The following DGAT2 variants were observed in gnomAD, a reference collection of about 807,000 sequenced individuals.
The protein encoded by DGAT2 is acyl-CoA retinol O-fatty-acyltransferase.
A neutral mutation model predicts 48.4 loss-of-function variants in DGAT2; 33 were observed. That is an observed-to-expected ratio of 0.68 (90% CI 0.52 to 0.91). The LOEUF is 0.91. Ranked by LOEUF, DGAT2 falls within the 40% of genes least tolerant of loss-of-function variation. The pLI is 0.00. For missense variants in DGAT2, 446 were observed against 493.7 expected, an observed-to-expected ratio of 0.90 and a Z score of 0.92; for synonymous variants, 191 against 194.1, an observed-to-expected ratio of 0.98 and a Z score of 0.13.
intron 2 of DGAT2, 46 bp from the exon 3 acceptor site, chr11:75,790,142 G>A (rs770988148): frequency 2.9e-6 from 4 of 1,386,110 alleles, no homozygotes; most frequent in Non-Finnish European, 3.1e-6. Flanking sequence ...GCCCAGAGGG[G>A]AGATGAAGCC....
At chr11:75,798,188 G>T (rs779628799) in intron 6 of DGAT2, 39 bp from the exon 7 acceptor site, 15 of 1,605,452 alleles carry the variant, frequency 9.3e-6, no homozygotes, top group Non-Finnish European at 1.3e-5. Flanking sequence ...ACTGAAGCCA[G>T]TAAGTAGGGT....
chr11:75,773,519 G>C (rs1158295971), intron 1 of DGAT2, among the ~76,000 whole-genome samples: 2 of 152,204 alleles, frequency 1.3e-5, no homozygotes, highest in Non-Finnish European at 1.5e-5. Flanking sequence ...TGGAGGGTTT[G>C]AGTTAACCTG....
intron 2 of DGAT2, among the ~76,000 whole-genome samples, chr11:75,789,434 GCCA>G (rs1371620689): frequency 3.3e-5 from 5 of 152,184 alleles, no homozygotes; most frequent in Admixed American, 6.5e-5. Context: ...ACGGGTGTGA[GCCA>G]CTGTGCCTGG....
At chr11:75,772,424 T>A (rs185572389) in intron 1 of DGAT2, among the ~76,000 whole-genome samples, 1 of 152,284 alleles carries the variant, frequency 6.6e-6, no homozygotes, top group African/African-American at 2.4e-5. Flanking sequence ...CATGGTGGTC[T>A]TCCTGTTCCT....
At chr11:75,769,151 G>T in intron 1 of DGAT2, 39 bp downstream of exon 1, 1 of 1,518,868 alleles carries the variant, frequency 6.6e-7, no homozygotes, top group Non-Finnish European at 8.8e-7. Context: ...CCTGCGAGAA[G>T]ATTTTCTGGA....
At chr11:75,778,842 A>T (rs1353319173) in intron 1 of DGAT2, among the ~76,000 whole-genome samples, 7 of 151,886 alleles carry the variant, frequency 4.6e-5, no homozygotes, top group Non-Finnish European at 1.5e-5. Context: ...TCAAAAAAAA[A>T]AAAAAAAAAA....
At chr11:75,775,127 C>A (rs1006364637) in intron 1 of DGAT2, among the ~76,000 whole-genome samples, 5 of 152,210 alleles carry the variant, frequency 3.3e-5, no homozygotes, top group African/African-American at 1.2e-4. Flanking sequence ...GATAAAAATT[C>A]ATTTGTGGAT....
chr11:75,772,071 G>A (rs1302755320), intron 1 of DGAT2, among the ~76,000 whole-genome samples: 1 of 152,190 alleles, frequency 6.6e-6, no homozygotes, highest in African/African-American at 2.4e-5. Context: ...TAAGCCAAGA[G>A]AAGGGTTGCA....
intron 1 of DGAT2, 42 bp downstream of exon 1, chr11:75,769,154 T>G: frequency 6.6e-7 from 1 of 1,517,114 alleles, no homozygotes; most frequent in Non-Finnish European, 8.8e-7. Flanking sequence ...GCGAGAAGAT[T>G]TTCTGGAAAG....
At chr11:75,778,719 A>G (rs1302958326) in intron 1 of DGAT2, among the ~76,000 whole-genome samples, 2 of 150,772 alleles carry the variant, frequency 1.3e-5, no homozygotes, top group African/African-American at 4.9e-5. Flanking sequence ...CTGTAGTCCC[A>G]GCTACTCGGG....
intron 2 of DGAT2, among the ~76,000 whole-genome samples, chr11:75,786,674 A>G (rs937432027): frequency 8.5e-5 from 13 of 152,250 alleles, no homozygotes; most frequent in Non-Finnish European, 1.6e-4. Flanking sequence ...GGACAGGCAG[A>G]TCTCCTGAGC....
At chr11:75,777,574 T>A (rs1295771777) in intron 1 of DGAT2, among the ~76,000 whole-genome samples, 1 of 152,170 alleles carries the variant, frequency 6.6e-6, no homozygotes, top group African/African-American at 2.4e-5. Context: ...ACTGTATAGA[T>A]GAGGAAGCTG....
intron 5 of DGAT2, chr11:75,796,747 G>A (rs190530810): frequency 1.7e-6 from 1 of 581,020 alleles, no homozygotes; most frequent in East Asian, 2.9e-5. Context: ...TTCCCTAGGA[G>A]GCCTTCTTTG....
rs867104248 is a variant in DGAT2, at chr11:75,774,234, G to A, written c.121+5122G>A. Reference sequence around the variant, plus strand: ...GAGGGCCTCATGGGCAGGGCCCAGGGGTAGGAGTCAGGCCTGGGCTCTGTC... The same window carrying A: ...GAGGGCCTCATGGGCAGGGCCCAGGAGTAGGAGTCAGGCCTGGGCTCTGTC... On this transcript the variant is annotated intron_variant, in intron 1 of 7. Transcript: ENST00000228027. Among the ~76,000 whole-genome samples the A allele has an allele frequency of 4.6e-5, 7 of 152,334 alleles. No homozygotes were observed. In the South Asian group the frequency reaches 1.5e-3, roughly 32 times the overall value.
At chr11:75,773,243 AGGGACTGGGTGCT>A (rs1944774874) in intron 1 of DGAT2, among the ~76,000 whole-genome samples, 1 of 152,126 alleles carries the variant, frequency 6.6e-6, no homozygotes. Flanking sequence ...CACCTGTGCT[AGGGACTGGGTGCT>A]GGGGTTGTAG....
At chr11:75,790,593 C>A (rs1404174319) in intron 3 of DGAT2, 68 bp from the exon 4 acceptor site, 1 of 1,453,072 alleles carries the variant, frequency 6.9e-7, no homozygotes, top group Non-Finnish European at 9.7e-7. Context: ...TTCACACTGG[C>A]CCTGTCTTGT....
chr11:75,796,026 G>A, intron 4 of DGAT2: 1 of 353,058 alleles, frequency 2.8e-6, no homozygotes, highest in Non-Finnish European at 5.3e-6. Context: ...CCAGAGGGAG[G>A]GAAGGCAGGA....
intron 1 of DGAT2, among the ~76,000 whole-genome samples, chr11:75,783,421 A>T (rs1565315850): frequency 6.6e-6 from 1 of 152,186 alleles, no homozygotes; most frequent in Non-Finnish European, 1.5e-5. Context: ...GTTGCTTTGC[A>T]GATTTTGAAG....
chr11:75,790,621 AC>A (rs761787764), intron 3 of DGAT2, 39 bp from the exon 4 acceptor site: 2 of 1,597,872 alleles, frequency 1.3e-6, no homozygotes, highest in South Asian at 2.2e-5. Flanking sequence ...GCCCAAATGT[AC>A]CCCCACCCCC....
Sources: gnomAD v4.1 joint callset for allele counts (sites outside exome capture counted in the v4.1 genomes callset) on GRCh38, gnomAD v4.1.1 for gene constraint, MANE v1.5 for transcripts, NCBI Gene and HGNC (gene_info 2026-07-23, HGNC 2026-07-21) for gene names.